Variants in CPS1 observed in about 807,000 individuals in gnomAD.
CPS1 encodes carbamoyl-phosphate synthase 1, also known as carbamoyl-phosphate synthase [ammonia], mitochondrial.
Under a neutral mutation model 174.6 loss-of-function variants are expected in CPS1, and 109 were observed. That is an observed-to-expected ratio of 0.62 (90% CI 0.53 to 0.73). The LOEUF (loss-of-function observed/expected upper bound fraction) is 0.73, where lower values mean the gene tolerates loss of function less well. CPS1 is among the 30% of genes least tolerant of loss of function. The pLI is 0.00. For synonymous variants in CPS1, 637 were observed against 632.0 expected (o/e 1.01, Z -0.12); for missense variants, 1,689 against 1,821.9 (o/e 0.93, Z 1.33).
intron 34 of CPS1, 27 bp downstream of exon 34, chr2:210,668,311 C>G (rs1701173908): frequency 1.3e-6 from 2 of 1,484,736 alleles, no homozygotes; most frequent in East Asian, 4.5e-5. Context: ...TGTGTGCTTG[C>G]CCATGGTCAT....
In CPS1 at chr2:210,590,232, A is replaced by AAGGTGC. The variant is rs1273243029; in HGVS notation, c.840_840+5dup. 1.2e-6 allele frequency: 2 copies of AAGGTGC among 1,612,572 alleles called. No homozygotes were observed. Among genetic ancestry groups the AAGGTGC allele is most frequent in the South Asian group, 2.2e-5 (2 of 91,058 alleles). The stretch of plus-strand genomic sequence containing the variant: ...AGAACCACTAATTCAGAATGTCAGA[A>AAGGTGC]AGGTGCAATGAACCTTGAATTCATG... On this transcript the variant is annotated inframe_insertion and splice_region_variant, in exon 8 of 38. Coordinates refer to ENST00000233072, the MANE Select transcript of CPS1 (RefSeq NM_001875.5).
intron 25 of CPS1, among the ~76,000 whole-genome samples, chr2:210,644,065 A>G (rs1417288735): frequency 6.6e-6 from 1 of 152,146 alleles, no homozygotes; most frequent in Non-Finnish European, 1.5e-5. Context: ...TTTTGCATAT[A>G]ATTAATTATG....
chr2:210,644,339 A>G (rs1009851252), intron 25 of CPS1, among the ~76,000 whole-genome samples: 2 of 152,098 alleles, frequency 1.3e-5, no homozygotes, highest in African/African-American at 4.8e-5. Context: ...AAACAAGTTA[A>G]ATGAATGAAT....
At chr2:210,499,058 A>C (rs1695075926) in intron 1 of CPS1, among the ~76,000 whole-genome samples, 1 of 152,014 alleles carries the variant, frequency 6.6e-6, no homozygotes, top group South Asian at 2.1e-4. Flanking sequence ...CAGTCTCCAC[A>C]CAGGAATGGT....
chr2:210,623,834 C>T (rs765274836), intron 21 of CPS1, among the ~76,000 whole-genome samples: 1 of 151,996 alleles, frequency 6.6e-6, no homozygotes, highest in South Asian at 2.1e-4. Flanking sequence ...TGAGGCATGG[C>T]AAAAATCAGG....
Position 210,582,688 on chromosome 2 carries a change from G to C in CPS1, c.600G>C (p.Leu200Phe). ...VDFVDPNKQN[L>F]IAEVSTKDVK... ...TTGTGGATCCAAATAAACAGAATTT[G>C]ATTGCTGAGGTTTCAACCAAGGTGA... Residue 200 changes from leucine to phenylalanine, a missense_variant, in exon 6 of 38, where the codon TTG (leucine) becomes TTC (phenylalanine). By Grantham distance (22) the Leu-to-Phe change is conservative (BLOSUM62 0). Transcript: ENST00000233072. 6.2e-7 allele frequency: 1 copy of C among 1,612,874 alleles called. No individual in the cohort carries two copies. The highest frequency in any genetic ancestry group is 8.5e-7 in the Non-Finnish European group (1 of 1,179,116).
chr2:210,662,729 G>T (rs1013988708), intron 32 of CPS1, among the ~76,000 whole-genome samples: 3 of 152,234 alleles, frequency 2.0e-5, no homozygotes, highest in Admixed American at 2.0e-4. Flanking sequence ...AGAACAAGAA[G>T]AGGAATGTTT....
intron 13 of CPS1, among the ~76,000 whole-genome samples, chr2:210,597,130 A>T (rs1698511976): frequency 6.6e-6 from 1 of 152,006 alleles, no homozygotes; most frequent in East Asian, 1.9e-4. Flanking sequence ...TAAATATACT[A>T]AAGTTTGTTG....
At chr2:210,650,542 A>T (rs1700529287) in intron 28 of CPS1, 104 bp downstream of exon 28, 4 of 872,622 alleles carry the variant, frequency 4.6e-6, no homozygotes, top group South Asian at 2.7e-5. Flanking sequence ...ATGCAACCTT[A>T]CTTTGTATGT....
chr2:210,637,331 T>A (rs1376314142), intron 21 of CPS1, among the ~76,000 whole-genome samples: 2 of 152,186 alleles, frequency 1.3e-5, no homozygotes, highest in African/African-American at 4.8e-5. Flanking sequence ...GGTCTTGTGA[T>A]GACAGGTTGA....
chr2:210,627,568 T>C (rs1699733421), intron 21 of CPS1, among the ~76,000 whole-genome samples: 1 of 152,212 alleles, frequency 6.6e-6, no homozygotes, highest in Admixed American at 6.5e-5. Flanking sequence ...CCTTTGAGTC[T>C]GACCTTAGGA....
At chr2:210,637,908 C>G in intron 22 of CPS1, 65 bp downstream of exon 22, 1 of 1,565,636 alleles carries the variant, frequency 6.4e-7, no homozygotes, top group Non-Finnish European at 8.8e-7. Flanking sequence ...ACGTAGGCAC[C>G]CATTCAAAAG....
chr2:210,529,692 C>G (rs1181961292), intron 1 of CPS1, among the ~76,000 whole-genome samples: 1 of 151,968 alleles, frequency 6.6e-6, no homozygotes, highest in African/African-American at 2.4e-5. Context: ...GACAGAATGT[C>G]TTACTTCACA....
At chr2:210,674,615 G>T (rs955949316) in intron 34 of CPS1, 2 of 445,028 alleles carry the variant, frequency 4.5e-6, no homozygotes, top group Non-Finnish European at 4.1e-6. Flanking sequence ...AACCGAAGTG[G>T]ATCTGAACTT....
At chr2:210,603,512 G>A (rs919918253) in intron 16 of CPS1, among the ~76,000 whole-genome samples, 2 of 151,786 alleles carry the variant, frequency 1.3e-5, no homozygotes, top group African/African-American at 4.8e-5. Flanking sequence ...TGTTTTTGAA[G>A]ATAGAAAGTT....
intron 1 of CPS1, among the ~76,000 whole-genome samples, chr2:210,568,461 A>G (rs917661088): frequency 2.6e-4 from 40 of 152,134 alleles, no homozygotes; most frequent in African/African-American, 9.2e-4. Flanking sequence ...AGTAGGAGGC[A>G]ATAGCAGGTG....
Position 210,497,050 on chromosome 2 carries a change from A to C in CPS1, c.3+19284A>C, listed in dbSNP as rs1574468016. Among the ~76,000 whole-genome samples, 9 of 152,276 alleles carry C rather than the reference A, an allele frequency of 5.9e-5. No homozygotes were observed. The South Asian group carries it at 1.9e-3, about 32-fold the overall frequency. On this transcript the variant is annotated intron_variant, in intron 1 of 38. Transcript: ENST00000430249. ...TTCTTTTATTTTTGGAATTAGCTCT[A>C]ATAAGCTCAGCAAACTTTGTGTAAG...
rs370989168 is a variant in CPS1 at position 210,666,490 on chromosome 2, A to G, written c.4003-1696A>G. Among the ~76,000 whole-genome samples the G allele has an allele frequency of 3.1e-4, 47 of 152,058 alleles. 1 individual carries two copies. In the East Asian group the frequency reaches 9.1e-3, roughly 29 times the overall value. ...ACGTTTAAGTCTTTAATCCATCTTG[A>G]ATTAATTTTTGTATAAGGTGTAAGG... On this transcript the variant is annotated intron_variant, in intron 33 of 37. Coordinates refer to ENST00000233072, the MANE Select transcript of CPS1 (RefSeq NM_001875.5).
chr2:210,538,407 G>T (rs1696314940), intron 1 of CPS1, among the ~76,000 whole-genome samples: 1 of 152,026 alleles, frequency 6.6e-6, no homozygotes. Context: ...ATCTTTAAGA[G>T]AACTCAGGAG....
Sources: gnomAD v4.1 joint callset for allele counts (sites outside exome capture counted in the v4.1 genomes callset) on GRCh38, gnomAD v4.1.1 for gene constraint, MANE v1.5 for transcripts, NCBI Gene and HGNC (gene_info 2026-07-23, HGNC 2026-07-21) for gene names.